Variants in COG2 observed in about 807,000 individuals in gnomAD.
COG2 encodes the protein component of oligomeric golgi complex 2.
COG2 carries 52 observed loss-of-function variants against 90.6 expected under a neutral mutation model. The ratio of observed to expected loss-of-function variants is 0.57; its 90% CI spans 0.46 to 0.72. The LOEUF is 0.72. Ranked by LOEUF, COG2 falls within the 30% of genes least tolerant of loss-of-function variation. The pLI is 0.00. For missense variants in COG2, 829 were observed against 891.2 expected, an observed-to-expected ratio of 0.93 and a Z score of 0.89; for synonymous variants, 337 against 320.4, an observed-to-expected ratio of 1.05 and a Z score of -0.55.
intron 17 of COG2, among the ~76,000 whole-genome samples, chr1:230,692,391 C>T (rs1194455015): frequency 2.6e-5 from 4 of 151,040 alleles, no homozygotes; most frequent in Non-Finnish European, 5.9e-5. Context: ...ACTTGATTTT[C>T]TAGCTCACTA....
Position 230,688,145 on chromosome 1 carries a change from TA to T in COG2, c.1651+7del. 1.3e-6 allele frequency: 2 copies of T among 1,572,944 alleles called. No individual in the cohort carries two copies. Among genetic ancestry groups the T allele is most frequent in the South Asian group, 1.2e-5 (1 of 85,246 alleles). The stretch of plus-strand genomic sequence containing the variant: ...TTAAGAATTTTTCTTCTATCTCAGG[TA>T]AAAATGAATCTTGACTAAGCAAATC... On this transcript the variant is annotated splice_donor_region_variant and intron_variant, in intron 14 of 17. Transcript: ENST00000366669.
chr1:230,667,379 A>T (rs1558272897), intron 5 of COG2, among the ~76,000 whole-genome samples: 1 of 151,500 alleles, frequency 6.6e-6, no homozygotes, highest in Non-Finnish European at 1.5e-5. Context: ...GACCTCAGTG[A>T]TGTCTGTTTC....
chr1:230,664,503 T>A lies in COG2; in HGVS notation c.401T>A (p.Ile134Lys). The A allele has an allele frequency of 6.5e-7, 1 of 1,539,168 alleles. No individual in the cohort carries two copies. The highest frequency in any genetic ancestry group is 1.9e-5 in the Admixed American group (1 of 53,942). ...RKKKMCVLRL[I>K]QVIRSVEKIE... ...TTATAGATGTGTGTATTGAGGCTTA[T>A]ACAAGTTATTCGGTCAGTTGAGAAA... Residue 134 changes from isoleucine to lysine, a missense_variant, in exon 5 of 18, where the codon ATA (isoleucine) becomes AAA (lysine). Coordinates refer to ENST00000366669, the MANE Select transcript of COG2 (RefSeq NM_007357.3).
chr1:230,669,197 G>A (rs1016631217), intron 6 of COG2, 159 bp from the exon 7 acceptor site: 7 of 583,022 alleles, frequency 1.2e-5, no homozygotes, highest in Non-Finnish European at 2.0e-5. Flanking sequence ...TAAAGTGATT[G>A]GAGTGAGGGG....
chr1:230,676,371 T>A (rs1571956886), intron 9 of COG2, among the ~76,000 whole-genome samples: 1 of 152,186 alleles, frequency 6.6e-6, no homozygotes. Flanking sequence ...TTGTGCCCTT[T>A]ATTTCTGTAC....
intron 14 of COG2, 94 bp from the exon 15 acceptor site, chr1:230,688,326 A>G: frequency 8.3e-6 from 12 of 1,452,710 alleles, no homozygotes; most frequent in Non-Finnish European, 1.1e-5. Context: ...CTGATTTATT[A>G]TAGTACACAA....
chr1:230,669,574 G>C (rs773026889), intron 7 of COG2, 39 bp downstream of exon 7: 1 of 1,578,682 alleles, frequency 6.3e-7, no homozygotes, highest in East Asian at 2.3e-5. Context: ...ATGAGCTTCT[G>C]TTCTGTCTTT....
chr1:230,645,072 A>C (rs1402502382), intron 1 of COG2, among the ~76,000 whole-genome samples: 1 of 151,990 alleles, frequency 6.6e-6, no homozygotes, highest in East Asian at 1.9e-4. Context: ...GCATTTCTAC[A>C]AAATATTGAA....
chr1:230,659,521 G>T lies in COG2; in HGVS notation c.130G>T (p.Glu44Ter). 1 of 1,613,952 alleles carries T rather than the reference G, an allele frequency of 6.2e-7. No individual in the cohort carries two copies. Among genetic ancestry groups the T allele is most frequent in the Non-Finnish European group, 8.5e-7 (1 of 1,179,814 alleles). The stretch of plus-strand genomic sequence containing the variant: ...CTGTAGGAAGCGGGTCCAGCTGGAA[G>T]AACTGAGAGATGACCTGGAGCTCTA... ...SDCRKRVQLEELRDDLELYYK... is the reference protein window; with the variant it reads ...SDCRKRVQLE The change falls in exon 2 of 18, where the codon GAA (glutamate) becomes TAA (stop). Residue 44 changes from glutamate (E) to a stop codon, truncating the protein, a stop_gained. Transcript: ENST00000366669. LOFTEE classifies it high-confidence loss of function.
At chr1:230,651,913 T>C (rs994368541) in intron 1 of COG2, among the ~76,000 whole-genome samples, 1 of 152,154 alleles carries the variant, frequency 6.6e-6, no homozygotes, top group Non-Finnish European at 1.5e-5. Flanking sequence ...AGCACAGAGG[T>C]CCCATCTATC....
At chr1:230,661,010 C>CA (rs1198826163) in intron 3 of COG2, 187 bp downstream of exon 3, 8 of 404,938 alleles carry the variant, frequency 2.0e-5, no homozygotes, top group South Asian at 6.2e-5. Flanking sequence ...ATACTATAAC[C>CA]AAAAAAATGT....
At chr1:230,675,565 C>T (rs1297562369) in intron 9 of COG2, among the ~76,000 whole-genome samples, 1 of 152,226 alleles carries the variant, frequency 6.6e-6, no homozygotes, top group East Asian at 1.9e-4. Flanking sequence ...AAATATACTA[C>T]ATAAATGTCC....
chr1:230,647,142 C>T lies in COG2; in HGVS notation c.72+4464C>T, dbSNP rs544810489. Among the ~76,000 whole-genome samples, 129 of 152,242 alleles carry T rather than the reference C, an allele frequency of 8.5e-4. 4 individuals are homozygous for T. The highest frequency in any genetic ancestry group is 8.4e-3 in the Admixed American group (128 of 15,290). On this transcript the variant is annotated intron_variant, in intron 1 of 17. Coordinates refer to ENST00000366669, the MANE Select transcript of COG2 (RefSeq NM_007357.3). Reference sequence around the variant, plus strand: ...TATACACCATGAAAACATGAGAAAGCATTTTCCAGAACACTTGGAAGTATT... The same window carrying T: ...TATACACCATGAAAACATGAGAAAGTATTTTCCAGAACACTTGGAAGTATT...
intron 5 of COG2, among the ~76,000 whole-genome samples, chr1:230,667,859 A>G (rs949826832): frequency 2.6e-5 from 4 of 152,158 alleles, no homozygotes; most frequent in African/African-American, 9.7e-5. Flanking sequence ...ACAGCAAGTG[A>G]TTATGCCTTT....
intron 11 of COG2, chr1:230,684,590 C>G (rs1662841225): frequency 6.4e-6 from 1 of 155,826 alleles, no homozygotes; most frequent in Admixed American, 6.3e-5. Flanking sequence ...ACAGCTAAGT[C>G]TACTGTCATT....
rs746748785 is a variant in COG2, at chr1:230,663,224, A to G, written c.381+3A>G. 21 of 1,605,506 alleles carry G rather than the reference A, an allele frequency of 1.3e-5. No individual in the cohort carries two copies. The African/African-American group carries it at 2.0e-4, about 15-fold the overall frequency. On this transcript the variant is annotated splice_donor_region_variant and intron_variant, in intron 4 of 17. Coordinates refer to ENST00000366669, the MANE Select transcript of COG2 (RefSeq NM_007357.3). ...AAGAGGACATTAGGAAAAAAAAGGT[A>G]TACTCAAATATTACAATATTAAATC... is the stretch of plus-strand genomic sequence containing the variant.
chr1:230,667,624 A>C (rs1242657293), intron 5 of COG2, among the ~76,000 whole-genome samples: 2 of 152,168 alleles, frequency 1.3e-5, no homozygotes, highest in African/African-American at 2.4e-5. Context: ...AATTCACACG[A>C]GATTATTCAG....
intron 8 of COG2, 39 bp downstream of exon 8, chr1:230,671,679 T>A: frequency 1.2e-6 from 2 of 1,603,470 alleles, no homozygotes; most frequent in Non-Finnish European, 1.7e-6. Flanking sequence ...CACCTCCCTT[T>A]CAGTGACCGC....
Position 230,642,516 on chromosome 1 carries a change from A to C in COG2, c.-91A>C. On this transcript the variant is annotated 5_prime_UTR_variant, in exon 1 of 18. Transcript: ENST00000366669. ...AAGCGGACCCCCCTGTGCCGTGGAA[A>C]CTGGCGGTGGCCGCGGCCGCCGAGT... The C allele has an allele frequency of 7.6e-7, 1 of 1,315,156 alleles. No individual in the cohort carries two copies. The allele number at this position is 1,315,156 out of a possible 1,614,324, so 81.5% of individuals were successfully genotyped here.
Sources: allele counts gnomAD v4.1 joint callset (sites outside exome capture counted in the v4.1 genomes callset), GRCh38; gene constraint gnomAD v4.1.1; transcripts MANE v1.5; gene names NCBI Gene and HGNC (gene_info 2026-07-23, HGNC 2026-07-21).